Variants in INTS2 observed in about 807,000 individuals in gnomAD.
The protein encoded by INTS2 is KIAA1287.
In INTS2, 57 loss-of-function variants were observed where a neutral mutation model predicts 139.6. The observed-to-expected ratio is 0.41, with a 90% CI of 0.33 to 0.51. INTS2 has a LOEUF of 0.51. INTS2 is among the 20% of genes least tolerant of loss of function. The pLI is 0.28. For missense variants in INTS2, 1,196 were observed against 1,436.7 expected (o/e 0.83, Z 2.71); for synonymous variants, 473 against 493.4 (o/e 0.96, Z 0.55).
At position 61,869,366 on chromosome 17, in the gene INTS2, T is replaced by C. The variant is rs780250871; in HGVS notation, c.3045A>G (p.Glu1015=). Residue 1015 remains glutamate, a synonymous_variant, in exon 22 of 25, where the codon GAA becomes GAG. Transcript: ENST00000251334. This position sits in a 1 kb window ranked among gnomAD's most constrained non-coding sequence, Gnocchi z 5.4. The stretch of plus-strand genomic sequence containing the variant: ...TACCTGCGACCGTCAGAGGCAAAAG[T>C]TCACATGGATAACCCTATCTCAACA... ...KLVHFQGYPC[E]LLPLTVAGIP... 1.9e-6 allele frequency: 3 copies of C among 1,600,488 alleles called. No individual in the cohort carries two copies. Among genetic ancestry groups the C allele is most frequent in the South Asian group, 2.3e-5 (2 of 88,830 alleles).
rs1324127291 is a variant in INTS2 at position 61,876,602 on chromosome 17, CCTG to C, written c.2456+1282_2456+1284del. Among the ~76,000 whole-genome samples the C allele has an allele frequency of 6.6e-6, 1 of 151,988 alleles. No homozygotes were observed. On this transcript the variant is annotated intron_variant, in intron 18 of 24. Coordinates refer to ENST00000251334, the MANE Select transcript of INTS2 (RefSeq NM_001351695.2). This position sits in a 1 kb window ranked among gnomAD's most constrained non-coding sequence, Gnocchi z 4.1. ...TACAGGCATGCATGCACCACCATGCCCTGCTAATTTTTGTATTTTTTGTAGAGA... is the reference window on the plus strand; with the variant it reads ...TACAGGCATGCATGCACCACCATGCCCTAATTTTTGTATTTTTTGTAGAGA...
chr17:61,925,737 C>T (rs12937188), intron 2 of INTS2, among the ~76,000 whole-genome samples: 9,993 of 151,888 alleles, frequency 0.066, 570 homozygotes, highest in South Asian at 0.3. Flanking sequence ...TAAAAGCCTC[C>T]CAAGAGGCTG....
intron 3 of INTS2, among the ~76,000 whole-genome samples, chr17:61,923,206 A>G (rs542975929): frequency 2.0e-5 from 3 of 151,586 alleles, no homozygotes; most frequent in South Asian, 2.1e-4. Context: ...GGCCGGGCGC[A>G]GTGGCTCGTG....
rs183283065 is a variant in INTS2, at chr17:61,916,460, C to A, written c.649+2940G>T. ...AATAAAAATAAACAGACACACGGAC[C>A]AATGCAACAGAATAGAAAACCCAGA... On this transcript the variant is annotated intron_variant, in intron 5 of 24. Coordinates refer to ENST00000251334, the MANE Select transcript of INTS2 (RefSeq NM_001351695.2). 2.2e-3 allele frequency among the ~76,000 whole-genome samples: 336 copies of A among 152,060 alleles called. 1 individual carries two copies. The highest frequency in any genetic ancestry group is 7.8e-3 in the African/African-American group (322 of 41,484).
At chr17:61,908,348 G>A (rs894580190) in intron 7 of INTS2, among the ~76,000 whole-genome samples, 1 of 152,134 alleles carries the variant, frequency 6.6e-6, no homozygotes, top group Non-Finnish European at 1.5e-5. Flanking sequence ...CCAGGAGGCG[G>A]AGGTTACAAT....
rs557281143 is a variant in INTS2, at chr17:61,923,214, G to A, written c.433-1387C>T. ...AAAACTCGGCCGGGCGCAGTGGCTCGTGCCTGTAATCCCAGCACTTTGGGA... is the reference window on the plus strand; with the variant it reads ...AAAACTCGGCCGGGCGCAGTGGCTCATGCCTGTAATCCCAGCACTTTGGGA... On this transcript the variant is annotated intron_variant, in intron 3 of 24. Transcript: ENST00000251334. Among the ~76,000 whole-genome samples, 346 of 151,146 alleles carry A rather than the reference G, an allele frequency of 2.3e-3. 1 individual carries two copies. Among genetic ancestry groups the A allele is most frequent in the African/African-American group, 8.0e-3 (328 of 41,198 alleles).
intron 9 of INTS2, 106 bp downstream of exon 9, chr17:61,904,354 T>C (rs973945809): frequency 2.5e-6 from 2 of 793,268 alleles, no homozygotes; most frequent in Admixed American, 2.9e-5. Context: ...CGACTGTCCA[T>C]ACCTAGACCA....
intron 3 of INTS2, among the ~76,000 whole-genome samples, 176 bp downstream of exon 3, chr17:61,924,785 C>T (rs1248139168): frequency 6.6e-6 from 1 of 152,094 alleles, no homozygotes; most frequent in Non-Finnish European, 1.5e-5. Flanking sequence ...GCTGAGATCA[C>T]ACCACTGCAT....
Position 61,927,808 on chromosome 17 carries a change from A to C in INTS2, c.-173T>G. ...GTGCCTCGAGTCGACTCGGACACCAAGAACTCAGACGCCGGGACCAACCGG... is the reference window on the plus strand; with the variant it reads ...GTGCCTCGAGTCGACTCGGACACCACGAACTCAGACGCCGGGACCAACCGG... On this transcript the variant is annotated 5_prime_UTR_variant, in exon 1 of 25. Transcript: ENST00000251334. 6.2e-7 allele frequency: 1 copy of C among 1,609,122 alleles called. No homozygotes were observed. The highest frequency in any genetic ancestry group is 8.5e-7 in the Non-Finnish European group (1 of 1,177,148).
chr17:61,869,839 G>A lies in INTS2; in HGVS notation c.2928C>T (p.Asp976=). The A allele has an allele frequency of 1.2e-6, 2 of 1,613,914 alleles. No individual in the cohort carries two copies. The highest frequency in any genetic ancestry group is 1.7e-6 in the Non-Finnish European group (2 of 1,179,824). ...APNKGMEEGE[D]NLLCNLREVQ... is the part of the protein sequence containing the mutation. ...CTTCTCGAAGGTTACAGAGCAAATT[G>A]TCTTCTCCTTCCTCCATTCCCTTAT... Residue 976 remains aspartate, a synonymous_variant, in exon 21 of 25, where the codon GAC becomes GAT. Coordinates refer to ENST00000251334, the MANE Select transcript of INTS2 (RefSeq NM_001351695.2). The surrounding 1 kb of genome is among the most constrained non-coding windows in gnomAD (Gnocchi z 5.4).
chr17:61,923,278 C>T (rs150915789), intron 3 of INTS2, among the ~76,000 whole-genome samples: 5,994 of 151,180 alleles, frequency 0.04, 429 homozygotes, highest in African/African-American at 0.14. Flanking sequence ...GAGATCGAGA[C>T]CATCCTGGCT....
chr17:61,895,321 A>T lies in INTS2; in HGVS notation c.1557T>A (p.Thr519=), dbSNP rs1567902623. ...MKTIFTQEIF[T]EQVVTAHAVR... is the part of the protein sequence containing the mutation. Reference sequence around the variant, plus strand: ...TAAGAATAAAAAGAAATACCTGCTCAGTAAAAATTTCCTGTGTGAAGATTG... The same window carrying T: ...TAAGAATAAAAAGAAATACCTGCTCTGTAAAAATTTCCTGTGTGAAGATTG... Residue 519 remains threonine, a synonymous_variant, in exon 12 of 25, where the codon ACT becomes ACA. Transcript: ENST00000251334. The T allele has an allele frequency of 4.5e-6, 7 of 1,567,140 alleles. No homozygotes were observed. The highest frequency in any genetic ancestry group is 6.0e-6 in the Non-Finnish European group (7 of 1,157,118).
Position 61,875,097 on chromosome 17 carries a change from A to T in INTS2, c.2457-59T>A. On this transcript the variant is annotated intron_variant, in intron 18 of 24. Transcript: ENST00000251334. The surrounding 1 kb of genome is among the most constrained non-coding windows in gnomAD (Gnocchi z 4.6). ...TTTTTATATATTAAAATCTGTAGCC[A>T]TCCAGTCCTTTCTATCTTAGAAAGT... 4 of 1,249,926 alleles carry T rather than the reference A, an allele frequency of 3.2e-6. No individual in the cohort carries two copies. Among genetic ancestry groups the T allele is most frequent in the Non-Finnish European group, 4.3e-6 (4 of 930,068 alleles). The allele number at this position is 1,249,926 out of a possible 1,614,324, so 77.4% of individuals were successfully genotyped here.
In INTS2 at chr17:61,866,422, T is replaced by C. The variant is rs1483326671; in HGVS notation, c.*1135A>G. 3 of 151,194 alleles carry C rather than the reference T, an allele frequency of 2.0e-5. No individual in the cohort carries two copies. Among genetic ancestry groups the C allele is most frequent in the South Asian group, 2.1e-4 (1 of 4,800 alleles). 9.4% of individuals were successfully genotyped at this position (151,194 alleles called of 1,614,324 possible). ...CAAGTGGGGGTGGGGAAGTGTGTGA[T>C]TGAGGTATATCTCAGAGAGAAAAAA... On this transcript the variant is annotated 3_prime_UTR_variant, in exon 25 of 25. Transcript: ENST00000251334.
In INTS2 at chr17:61,909,775, GTGTT is replaced by G. The variant is rs1477558510; in HGVS notation, c.954+1741_954+1744del. 1.4e-5 allele frequency among the ~76,000 whole-genome samples: 2 copies of G among 147,404 alleles called. No individual in the cohort carries two copies. The highest frequency in any genetic ancestry group is 6.8e-5 in the Admixed American group (1 of 14,674). On this transcript the variant is annotated intron_variant, in intron 7 of 24. Transcript: ENST00000251334. This position sits in a 1 kb window ranked among gnomAD's most constrained non-coding sequence, Gnocchi z 4.9. ...GGTTGAGTTGTATTCCATGGTGTGT[GTGTT>G]TGTGTGTGTGTATACATATATACGT...
At position 61,893,054 on chromosome 17, in the gene INTS2, T is replaced by A. The variant is rs967871140; in HGVS notation, c.1698+711A>T. 2.0e-5 allele frequency among the ~76,000 whole-genome samples: 3 copies of A among 151,000 alleles called. No homozygotes were observed. The highest frequency in any genetic ancestry group is 7.3e-5 in the African/African-American group (3 of 41,034). ...AGGAGGACTGCTTGAGCCCAGGAGT[T>A]TGAGGTTACAGTGAGCTATGACAGC... On this transcript the variant is annotated intron_variant, in intron 13 of 24. Coordinates refer to ENST00000251334, the MANE Select transcript of INTS2 (RefSeq NM_001351695.2). This position sits in a 1 kb window ranked among gnomAD's most constrained non-coding sequence, Gnocchi z 5.4.
intron 7 of INTS2, chr17:61,911,277 CTAAA>C (rs964588425): frequency 8.9e-6 from 4 of 447,330 alleles, no homozygotes; most frequent in African/African-American, 6.1e-5. Flanking sequence ...TTTAAAAGAA[CTAAA>C]TAAATATTTC....
At chr17:61,891,447 T>A in intron 14 of INTS2, 66 bp downstream of exon 14, 1 of 1,218,996 alleles carries the variant, frequency 8.2e-7, no homozygotes, top group Non-Finnish European at 1.2e-6. Flanking sequence ...AAAATAAAAA[T>A]ATGGGTTAAG....
At chr17:61,888,141 C>A in intron 15 of INTS2, among the ~76,000 whole-genome samples, 1 of 151,970 alleles carries the variant, frequency 6.6e-6, no homozygotes, top group East Asian at 1.9e-4. Context: ...GAGGCCAAGC[C>A]AGGAGGACTG....
Sources: allele counts gnomAD v4.1 joint callset (sites outside exome capture counted in the v4.1 genomes callset), GRCh38; gene constraint gnomAD v4.1.1; non-coding constraint Gnocchi (gnomAD v3.1); transcripts MANE v1.5; gene names NCBI Gene and HGNC (gene_info 2026-07-23, HGNC 2026-07-21).